Variants in CREB3L2 observed in about 807,000 individuals in gnomAD.
The protein encoded by CREB3L2 is cyclic AMP-responsive element-binding protein 3-like protein 2.
A neutral mutation model predicts 57.2 loss-of-function variants in CREB3L2; 23 were observed. That is an observed-to-expected ratio of 0.40 (90% confidence interval 0.29 to 0.57). The LOEUF (loss-of-function observed/expected upper bound fraction) is 0.57. CREB3L2 is among the 20% of genes least tolerant of loss of function. The pLI, the probability that CREB3L2 is intolerant of heterozygous loss-of-function variation, is 0.42. For missense variants in CREB3L2, 628 were observed against 634.7 expected (o/e 0.99, Z 0.11); for synonymous variants, 268 against 265.1 (o/e 1.01, Z -0.11).
Position 137,876,331 on chromosome 7 carries a change from CGTGTGTGTGT to C in CREB3L2, c.*4135_*4144del, listed in dbSNP as rs10534110. On this transcript the variant is annotated 3_prime_UTR_variant, in exon 12 of 12. Coordinates refer to ENST00000330387, the MANE Select transcript of CREB3L2 (RefSeq NM_194071.4). ...TGAGCATGTAAGGGAGGAATGTGCACGTGTGTGTGTGTGTGTGTGTGTGTGTGTGTGTGTG... is the reference window on the plus strand; with the variant it reads ...TGAGCATGTAAGGGAGGAATGTGCACGTGTGTGTGTGTGTGTGTGTGTGTG... The C allele has an allele frequency of 6.9e-3, 1,529 of 223,086 alleles. 9 individuals carry two copies. Among genetic ancestry groups the C allele is most frequent in the African/African-American group, 0.028 (1,217 of 43,598 alleles). The allele number at this position is 223,086 out of a possible 1,614,324, so 13.8% of individuals were successfully genotyped here.
intron 1 of CREB3L2, among the ~76,000 whole-genome samples, chr7:137,963,004 C>T (rs766658219): frequency 7.2e-5 from 11 of 152,202 alleles, no homozygotes; most frequent in Admixed American, 2.6e-4. Flanking sequence ...CATCTGACAT[C>T]CCAGCAGTCC....
chr7:137,988,765 G>C (rs941458207), intron 1 of CREB3L2, among the ~76,000 whole-genome samples: 20 of 152,136 alleles, frequency 1.3e-4, no homozygotes, highest in African/African-American at 4.8e-4. Flanking sequence ...GACATCCAGA[G>C]ATAGATGGAC....
intron 1 of CREB3L2, chr7:137,958,053 T>A (rs1257176703): frequency 4.0e-6 from 1 of 252,320 alleles, no homozygotes; most frequent in African/African-American, 2.3e-5. Context: ...ATCCAGGTCA[T>A]CACTGTTCCT....
At position 137,880,997 on chromosome 7, in the gene CREB3L2, A is replaced by G. The variant is rs1799279606; in HGVS notation, c.1488-446T>C. ...TAATAATAAATCCATAACAGAAAAT[A>G]AATACATTATTAAATTGTGTAACAA... is the stretch of plus-strand genomic sequence containing the variant. On this transcript the variant is annotated intron_variant, in intron 11 of 11. Coordinates refer to ENST00000330387, the MANE Select transcript of CREB3L2 (RefSeq NM_194071.4). This position sits in a 1 kb window ranked among gnomAD's most constrained non-coding sequence, Gnocchi z 4.0. Among the ~76,000 whole-genome samples the G allele has an allele frequency of 6.6e-6, 1 of 152,246 alleles. No individual in the cohort carries two copies. Among genetic ancestry groups the G allele is most frequent in the South Asian group, 2.1e-4 (1 of 4,832 alleles).
chr7:137,889,336 T>A (rs34608459), intron 8 of CREB3L2, among the ~76,000 whole-genome samples: 34,298 of 152,060 alleles, frequency 0.23, 4,726 homozygotes, highest in South Asian at 0.34. Flanking sequence ...AGAAGGACCC[T>A]TCAAGAAGGG....
At chr7:137,882,732 T>G (rs1336540501) in intron 10 of CREB3L2, 104 bp from the exon 11 acceptor site, 4 of 744,794 alleles carry the variant, frequency 5.4e-6, no homozygotes, top group East Asian at 2.7e-5. Context: ...ACAATGTGTG[T>G]GTTCTCGTTG....
intron 4 of CREB3L2, 44 bp from the exon 5 acceptor site, chr7:137,908,480 G>C (rs1799939455): frequency 8.1e-7 from 1 of 1,228,638 alleles, no homozygotes; most frequent in Non-Finnish European, 1.0e-6. Flanking sequence ...GAGCCACAAA[G>C]CAGGACACAA....
chr7:137,937,653 C>A (rs1003628388), intron 1 of CREB3L2, among the ~76,000 whole-genome samples: 2 of 152,094 alleles, frequency 1.3e-5, no homozygotes, highest in African/African-American at 4.8e-5. Context: ...TTACATATTT[C>A]TTTAATTTTT....
At chr7:137,957,885 G>A in intron 1 of CREB3L2, 1 of 721,256 alleles carries the variant, frequency 1.4e-6, no homozygotes, top group Non-Finnish European at 2.1e-6. Context: ...GTATCACAGG[G>A]TGGAAGACTG....
chr7:137,878,557 CCCT>C lies in CREB3L2; in HGVS notation c.*1916_*1918del, dbSNP rs2117166594. On this transcript the variant is annotated 3_prime_UTR_variant, in exon 12 of 12. Transcript: ENST00000330387. ...AAGCAGAAGCAGAACCTACTAGCAA[CCCT>C]CCTCCTGCACAGCTCAGACAGTCTC... 4.3e-6 allele frequency: 1 copy of C among 233,412 alleles called. No individual in the cohort carries two copies. Among genetic ancestry groups the C allele is most frequent in the African/African-American group, 2.2e-5 (1 of 45,436 alleles). The allele number at this position is 233,412 out of a possible 1,614,324, so 14.5% of individuals were successfully genotyped here.
In CREB3L2 at chr7:137,880,508, C is replaced by G; in HGVS notation, c.1531G>C (p.Glu511Gln). Residue 511 changes from glutamate (E) to glutamine (Q), a missense_variant, in exon 12 of 12, where the codon GAA (glutamate) becomes CAA (glutamine). Glu to Gln is a conservative substitution (Grantham distance 29, BLOSUM62 2). Transcript: ENST00000330387. This position sits in a 1 kb window ranked among gnomAD's most constrained non-coding sequence, Gnocchi z 4.0. ...LEGNETLKVV[E>Q]LDRRVNTTF ...GTGGTGTTCACTCTTCTGTCGAGTT[C>G]TACAACTTTTAGTGTTTCATTCCCC... is the stretch of plus-strand genomic sequence containing the variant. The G allele has an allele frequency of 4.3e-6, 7 of 1,613,964 alleles. No individual in the cohort carries two copies. Among genetic ancestry groups the G allele is most frequent in the Non-Finnish European group, 5.9e-6 (7 of 1,179,928 alleles).
At chr7:137,958,210 A>C (rs965847917) in intron 1 of CREB3L2, among the ~76,000 whole-genome samples, 2 of 152,218 alleles carry the variant, frequency 1.3e-5, no homozygotes, top group African/African-American at 2.4e-5. Flanking sequence ...GCCCAAGGCT[A>C]TGCGTAACAA....
At chr7:137,961,349 T>C (rs1015967788) in intron 1 of CREB3L2, among the ~76,000 whole-genome samples, 1 of 152,144 alleles carries the variant, frequency 6.6e-6, no homozygotes, top group East Asian at 1.9e-4. Context: ...TGAATTGAAA[T>C]TGGGGAAGGA....
intron 11 of CREB3L2, among the ~76,000 whole-genome samples, chr7:137,881,483 G>T (rs1799290108): frequency 6.6e-6 from 1 of 152,210 alleles, no homozygotes; most frequent in African/African-American, 2.4e-5. Context: ...ATAAGGGATA[G>T]TCAACCTGCC....
At chr7:137,899,604 CT>C (rs1799711391) in intron 8 of CREB3L2, among the ~76,000 whole-genome samples, 1 of 152,208 alleles carries the variant, frequency 6.6e-6, no homozygotes, top group Admixed American at 6.5e-5. Flanking sequence ...CCCCAGCAGA[CT>C]AACGGCCAAA....
Position 137,885,034 on chromosome 7 carries a change from T to G in CREB3L2, c.1231A>C (p.Ser411Arg). Residue 411 changes from serine to arginine, a missense_variant, in exon 10 of 12, where the codon AGC becomes CGC. Transcript: ENST00000330387. Reference sequence around the variant, plus strand: ...TAGGGCTCCTGCAGGGAATGCTGGCTGGGCAGAGCCATCTTGGTGGCAGAA... The same window carrying G: ...TAGGGCTCCTGCAGGGAATGCTGGCGGGGCAGAGCCATCTTGGTGGCAGAA... The part of the protein sequence containing the change: ...YPSATKMALP[S>R]QHSLQEPYTA... The G allele has an allele frequency of 6.2e-7, 1 of 1,614,204 alleles. No individual in the cohort carries two copies. The highest frequency in any genetic ancestry group is 1.3e-5 in the African/African-American group (1 of 75,042).
At position 137,899,801 on chromosome 7, in the gene CREB3L2, G is replaced by T. The variant is rs555450446; in HGVS notation, c.1043+1553C>A. Among the ~76,000 whole-genome samples the T allele has an allele frequency of 1.5e-3, 226 of 152,326 alleles. 1 individual carries two copies. The highest frequency in any genetic ancestry group is 5.2e-3 in the African/African-American group (215 of 41,574). ...TTTCAGGGGGATCCCACTGGCGGTA[G>T]TTTTAGCTTATGTCTATATTAGCTG... On this transcript the variant is annotated intron_variant, in intron 8 of 11. Transcript: ENST00000330387.
chr7:137,992,250 C>G (rs1486894842), intron 1 of CREB3L2, among the ~76,000 whole-genome samples: 1 of 152,070 alleles, frequency 6.6e-6, no homozygotes, highest in Non-Finnish European at 1.5e-5. Flanking sequence ...AAGATTAGAC[C>G]TACCCCCACA....
chr7:137,878,648 G>A lies in CREB3L2; in HGVS notation c.*1828C>T, dbSNP rs780950169. The A allele has an allele frequency of 7.3e-5, 17 of 233,910 alleles. No individual in the cohort carries two copies. Among genetic ancestry groups the A allele is most frequent in the Non-Finnish European group, 1.2e-4 (14 of 118,696 alleles). 14.5% of individuals were successfully genotyped at this position (233,910 alleles called of 1,614,324 possible). Reference sequence around the variant, plus strand: ...GACAACAGGGCTGCCAGGACTACGGGGGCCCGATCCAGCTTCCACTCACAG... The same window carrying A: ...GACAACAGGGCTGCCAGGACTACGGAGGCCCGATCCAGCTTCCACTCACAG... On this transcript the variant is annotated 3_prime_UTR_variant, in exon 12 of 12. Transcript: ENST00000330387.
Sources: allele counts gnomAD v4.1 joint callset (sites outside exome capture counted in the v4.1 genomes callset), GRCh38; gene constraint gnomAD v4.1.1; non-coding constraint Gnocchi (gnomAD v3.1); transcripts MANE v1.5; gene names NCBI Gene and HGNC (gene_info 2026-07-23, HGNC 2026-07-21).